The following CYP26C1 variants were observed in gnomAD, a reference collection of about 807,000 sequenced individuals.
The protein encoded by CYP26C1 is cytochrome P450 family 26 subfamily C member 1.
Under a neutral mutation model 39.1 loss-of-function variants are expected in CYP26C1, and 41 were observed. The observed-to-expected ratio is 1.05, with a 90% CI of 0.82 to 1.36. The LOEUF is 1.36. Among genes scored for constraint, CYP26C1 ranks in the 40% most tolerant of loss-of-function variants. The pLI is 0.00. For synonymous variants in CYP26C1, 362 were observed against 350.8 expected (o/e 1.03, Z -0.36); for missense variants, 833 against 752.0 (o/e 1.11, Z -1.26).
rs779223251 is a variant in CYP26C1, at chr10:93,062,871, C to A, written c.581C>A (p.Ala194Glu). Residue 194 changes from alanine (A) to glutamate (E), a missense_variant, in exon 3 of 6, where the codon GCG becomes GAG. Coordinates refer to ENST00000651965, the MANE Select transcript of CYP26C1 (RefSeq NM_183374.3). ...ASKALTFRMA[A>E]RILLGLRLDE... is the part of the protein sequence containing the mutation. ...AAAGCGCTCACCTTCCGCATGGCCG[C>A]GCGCATCCTGCTGGGGTTGCGGCTG... The A allele has an allele frequency of 6.2e-7, 1 of 1,603,680 alleles. No homozygotes were observed.
rs7907583 is a variant in CYP26C1 at position 93,061,863 on chromosome 10, G to A, written c.205-147G>A. On this transcript the variant is annotated intron_variant, in intron 1 of 5. Transcript: ENST00000651965. The stretch of plus-strand genomic sequence containing the variant: ...ACAGGAGCATGTACATTCCCGTAGA[G>A]TAGATACCAGGCCCACTGGGGATCT... 1.9e-3 allele frequency: 1,393 copies of A among 731,482 alleles called. 21 individuals carry two copies. The African/African-American group carries it at 0.022, about 11-fold the overall frequency. 45.3% of individuals were successfully genotyped at this position (731,482 alleles called of 1,614,324 possible). A position where few individuals can be genotyped will look rare whatever the true frequency, so the allele number is the denominator to read the frequency against.
chr10:93,062,990 C>CGCAAGGTACG lies in CYP26C1; in HGVS notation c.703_705+7dup. 1.9e-6 allele frequency: 3 copies of CGCAAGGTACG among 1,566,250 alleles called. No homozygotes were observed. Among genetic ancestry groups the CGCAAGGTACG allele is most frequent in the Non-Finnish European group, 2.6e-6 (3 of 1,157,928 alleles). On this transcript the variant is annotated frameshift_variant, in exon 3 of 6. Transcript: ENST00000651965. LOFTEE classifies it high-confidence loss of function. ...TCTGGACGTTCCCTTCAGTGGCCTACGCAAGGTACGGCCGCCCCGGCTCCA... is the reference window on the plus strand; with the variant it reads ...TCTGGACGTTCCCTTCAGTGGCCTACGCAAGGTACGGCAAGGTACGGCCGCCCCGGCTCCA...
rs1224555072 is a variant in CYP26C1, at chr10:93,068,774, T to C, written c.*77T>C. ...GCGCCACCCATCTGCCGCTCCCCAT[T>C]GTAGCGTCGCGCGCCCACTCTTTCA... On this transcript the variant is annotated 3_prime_UTR_variant, in exon 6 of 6. Coordinates refer to ENST00000651965, the MANE Select transcript of CYP26C1 (RefSeq NM_183374.3). 2 of 1,447,724 alleles carry C rather than the reference T, an allele frequency of 1.4e-6. No individual in the cohort carries two copies. Among genetic ancestry groups the C allele is most frequent in the African/African-American group, 1.4e-5 (1 of 69,176 alleles). The allele number at this position is 1,447,724 out of a possible 1,614,324, so 89.7% of individuals were successfully genotyped here.
intron 4 of CYP26C1, 170 bp downstream of exon 4, chr10:93,064,706 C>T: frequency 1.5e-6 from 2 of 1,375,406 alleles, no homozygotes; most frequent in Non-Finnish European, 9.4e-7. Context: ...CTCAGCCACA[C>T]TCACTACCTC....
intron 4 of CYP26C1, chr10:93,064,830 A>C: frequency 9.2e-7 from 1 of 1,087,554 alleles, no homozygotes; most frequent in Non-Finnish European, 1.1e-6. Flanking sequence ...TCCTTCCCCC[A>C]CTGCCCTTCT....
chr10:93,062,571 G>T, intron 2 of CYP26C1, 149 bp from the exon 3 acceptor site: 1 of 705,316 alleles, frequency 1.4e-6, no homozygotes. Flanking sequence ...GCAGAACTGG[G>T]GGAAATGGCG....
At position 93,068,797 on chromosome 10, in the gene CYP26C1, T is replaced by C; in HGVS notation, c.*100T>C. 1 of 1,414,636 alleles carries C rather than the reference T, an allele frequency of 7.1e-7. No individual in the cohort carries two copies. Among genetic ancestry groups the C allele is most frequent in the Non-Finnish European group, 9.2e-7 (1 of 1,081,170 alleles). The allele number at this position is 1,414,636 out of a possible 1,614,324, so 87.6% of individuals were successfully genotyped here. A position where few individuals can be genotyped will look rare whatever the true frequency, so the allele number is the denominator to read the frequency against. On this transcript the variant is annotated 3_prime_UTR_variant, in exon 6 of 6. Transcript: ENST00000651965. ...ATTGTAGCGTCGCGCGCCCACTCTT[T>C]CACTCGTTCAACAATCTTTCAACAA...
At position 93,069,169 on chromosome 10, in the gene CYP26C1, C is replaced by A. The variant is rs1846866277; in HGVS notation, c.*472C>A. 6.5e-6 allele frequency: 1 copy of A among 154,050 alleles called. No individual in the cohort carries two copies. The highest frequency in any genetic ancestry group is 2.4e-5 in the African/African-American group (1 of 41,554). The allele number at this position is 154,050 out of a possible 1,614,324, so 9.5% of individuals were successfully genotyped here. ...TAAGGAAGCGGGCACGCCGTGGGCG[C>A]AACCCTGGCCTGGCTTTGGGCCATA... On this transcript the variant is annotated 3_prime_UTR_variant, in exon 6 of 6. Coordinates refer to ENST00000651965, the MANE Select transcript of CYP26C1 (RefSeq NM_183374.3).
At chr10:93,064,023 C>T (rs755649548) in intron 3 of CYP26C1, 80 of 1,061,172 alleles carry the variant, frequency 7.5e-5, no homozygotes, top group Admixed American at 9.9e-5. Context: ...AGGGAAAGGG[C>T]AATGGGCTGA....
At position 93,068,703 on chromosome 10, in the gene CYP26C1, T is replaced by A; in HGVS notation, c.*6T>A. ...GGAATGGGCTATGCCTCTGACATGC[T>A]TGCGCTCTAGGACACGGCTTGGCCG... On this transcript the variant is annotated 3_prime_UTR_variant, in exon 6 of 6. Transcript: ENST00000651965. The A allele has an allele frequency of 6.5e-7, 1 of 1,528,690 alleles. No individual in the cohort carries two copies. The highest frequency in any genetic ancestry group is 8.8e-7 in the Non-Finnish European group (1 of 1,135,074). The allele number at this position is 1,528,690 out of a possible 1,614,324, so 94.7% of individuals were successfully genotyped here.
chr10:93,064,304 A>G, intron 3 of CYP26C1, 77 bp from the exon 4 acceptor site: 2 of 1,508,930 alleles, frequency 1.3e-6, no homozygotes, highest in Non-Finnish European at 1.8e-6. Context: ...CAGTGCTGAG[A>G]AGGTTTTCTG....
At chr10:93,061,582 C>A in intron 1 of CYP26C1, 115 bp downstream of exon 1, 1 of 1,334,554 alleles carries the variant, frequency 7.5e-7, no homozygotes. Context: ...GCCCATCGCC[C>A]ACGACCCCGG....
At position 93,068,348 on chromosome 10, in the gene CYP26C1, T is replaced by C. The variant is rs1316636649; in HGVS notation, c.1220T>C (p.Val407Ala). The C allele has an allele frequency of 9.7e-6, 15 of 1,547,490 alleles. No homozygotes were observed. The highest frequency in any genetic ancestry group is 1.2e-5 in the Non-Finnish European group (14 of 1,149,778). ...TACCAGATCCCCAAGGGCTGGAGCG[T>C]GATGTATAGCATCCGGGACACGCAC... ...DGYQIPKGWS[V>A]MYSIRDTHET... Residue 407 changes from valine to alanine, a missense_variant, in exon 6 of 6, where the codon GTG (valine) becomes GCG (alanine). Val to Ala is a moderately conservative substitution (Grantham distance 64, BLOSUM62 0). Coordinates refer to ENST00000651965, the MANE Select transcript of CYP26C1 (RefSeq NM_183374.3).
intron 3 of CYP26C1, chr10:93,063,927 A>G: frequency 2.0e-6 from 2 of 988,610 alleles, no homozygotes; most frequent in South Asian, 4.7e-5. Context: ...ACGCTCTTAC[A>G]GAGGCTAATG....
In CYP26C1 at chr10:93,066,260, C is replaced by T; in HGVS notation, c.1166C>T (p.Thr389Ile). 1 of 1,443,266 alleles carries T rather than the reference C, an allele frequency of 6.9e-7. No individual in the cohort carries two copies. Among genetic ancestry groups the T allele is most frequent in the East Asian group, 2.8e-5 (1 of 36,302 alleles). 89.4% of individuals were successfully genotyped at this position (1,443,266 alleles called of 1,614,324 possible). Residue 389 changes from threonine to isoleucine, a missense_variant, in exon 5 of 6, where the codon ACC becomes ATC. Physicochemically the swap from Thr to Ile is moderately conservative, Grantham distance 89. Coordinates refer to ENST00000651965, the MANE Select transcript of CYP26C1 (RefSeq NM_183374.3). ...CCGCCAGTGTCCGGGGGCTACCGCACCGCCCTGCGCACCTTCGAGCTCGAC... is the reference window on the plus strand; with the variant it reads ...CCGCCAGTGTCCGGGGGCTACCGCATCGCCCTGCGCACCTTCGAGCTCGAC... ...LLPPVSGGYR[T>I]ALRTFELDGY...
In CYP26C1 at chr10:93,068,715, A is replaced by G; in HGVS notation, c.*18A>G. 6.6e-7 allele frequency: 1 copy of G among 1,504,606 alleles called. No individual in the cohort carries two copies. The allele number at this position is 1,504,606 out of a possible 1,614,324, so 93.2% of individuals were successfully genotyped here. A position where few individuals can be genotyped will look rare whatever the true frequency, so the allele number is the denominator to read the frequency against. On this transcript the variant is annotated 3_prime_UTR_variant, in exon 6 of 6. Transcript: ENST00000651965. The stretch of plus-strand genomic sequence containing the variant: ...GCCTCTGACATGCTTGCGCTCTAGG[A>G]CACGGCTTGGCCGGTGGCTATGGCG...
At chr10:93,065,904 C>T (rs1229088809) in intron 4 of CYP26C1, 52 bp from the exon 5 acceptor site, 1 of 1,465,694 alleles carries the variant, frequency 6.8e-7, no homozygotes, top group Non-Finnish European at 9.0e-7. Context: ...GGGTCAGCGC[C>T]CCGGGCGACT....
intron 3 of CYP26C1, 146 bp from the exon 4 acceptor site, chr10:93,064,235 C>T (rs546334539): frequency 1.4e-6 from 2 of 1,435,710 alleles, no homozygotes; most frequent in South Asian, 1.5e-5. Flanking sequence ...CTGAGCCCAG[C>T]CATATGCCAG....
At chr10:93,067,877 T>C (rs1184742612) in intron 5 of CYP26C1, among the ~76,000 whole-genome samples, 3 of 152,190 alleles carry the variant, frequency 2.0e-5, no homozygotes, top group Non-Finnish European at 4.4e-5. Context: ...ACCATGGAAC[T>C]GACCTCGAGG....
Sources: allele counts gnomAD v4.1 joint callset (sites outside exome capture counted in the v4.1 genomes callset), GRCh38; gene constraint gnomAD v4.1.1; transcripts MANE v1.5; gene names NCBI Gene and HGNC (gene_info 2026-07-23, HGNC 2026-07-21).